Variants in FER1L6 observed in about 807,000 individuals in gnomAD.
FER1L6 encodes fer-1 like family member 6.
In FER1L6, 177 loss-of-function variants were observed where a neutral mutation model predicts 219.2. The observed-to-expected ratio is 0.81, with a 90% CI of 0.71 to 0.91. FER1L6 has a LOEUF of 0.91. FER1L6 is among the 40% of genes least tolerant of loss of function. The pLI, the probability that FER1L6 is intolerant of heterozygous loss-of-function variation, is 0.00. For synonymous variants in FER1L6, 768 were observed against 824.3 expected, an observed-to-expected ratio of 0.93 and a Z score of 1.17; for missense variants, 2,153 against 2,259.9, an observed-to-expected ratio of 0.95 and a Z score of 0.96.
At chr8:124,022,841 A>T (rs1173674004) in intron 17 of FER1L6, among the ~76,000 whole-genome samples, 1 of 152,158 alleles carries the variant, frequency 6.6e-6, no homozygotes, top group Non-Finnish European at 1.5e-5. Context: ...GCTACCAAAG[A>T]TGCCAAATCA....
intron 25 of FER1L6, 133 bp from the exon 26 acceptor site, chr8:124,064,214 G>T: frequency 2.6e-6 from 2 of 778,466 alleles, no homozygotes; most frequent in African/African-American, 1.7e-5. Flanking sequence ...TTATACATAA[G>T]AAAATGAGGT....
chr8:124,075,173 T>G (rs541850235), intron 31 of FER1L6, among the ~76,000 whole-genome samples: 1 of 152,366 alleles, frequency 6.6e-6, no homozygotes, highest in South Asian at 2.1e-4. Context: ...TTTATAAACT[T>G]TTAAGTTTTT....
chr8:124,037,537 G>T (rs1586622139), intron 19 of FER1L6, among the ~76,000 whole-genome samples: 1 of 152,162 alleles, frequency 6.6e-6, no homozygotes, highest in Admixed American at 6.5e-5. Context: ...TCACTTCTCT[G>T]GTTCTCCCTG....
intron 1 of FER1L6, among the ~76,000 whole-genome samples, chr8:123,954,139 T>G (rs898058668): frequency 2.0e-5 from 3 of 152,224 alleles, no homozygotes; most frequent in Non-Finnish European, 4.4e-5. Context: ...AGGAGGAAAC[T>G]GAGGATCAGG....
chr8:124,079,526 A>G (rs566303265), intron 32 of FER1L6, among the ~76,000 whole-genome samples: 1 of 152,322 alleles, frequency 6.6e-6, no homozygotes, highest in South Asian at 2.1e-4. Context: ...GACTATAGTC[A>G]AGTAGACACA....
In FER1L6 at chr8:123,969,823, T is replaced by C. The variant is rs139585897; in HGVS notation, c.385-212T>C. ...TTGAGGCTGCAGTGAGCCCTAATTG[T>C]GCCACTGCACTCCAACCTAGCCGAC... On this transcript the variant is annotated intron_variant, in intron 5 of 40. Coordinates refer to ENST00000522917, the MANE Select transcript of FER1L6 (RefSeq NM_001039112.2). 3.7e-3 allele frequency among the ~76,000 whole-genome samples: 545 copies of C among 145,994 alleles called. 4 individuals carry two copies. The highest frequency in any genetic ancestry group is 0.013 in the African/African-American group (520 of 38,964).
At chr8:123,897,966 C>T (rs1478998056) in intron 1 of FER1L6, among the ~76,000 whole-genome samples, 1 of 152,048 alleles carries the variant, frequency 6.6e-6, no homozygotes, top group African/African-American at 2.4e-5. Flanking sequence ...GGGCTGATTC[C>T]GTTCCAATTT....
At chr8:123,873,709 T>C (rs1816961391) in intron 1 of FER1L6, among the ~76,000 whole-genome samples, 1 of 152,118 alleles carries the variant, frequency 6.6e-6, no homozygotes, top group Non-Finnish European at 1.5e-5. Flanking sequence ...TCTCCAGCAA[T>C]GCCTGGTGGC....
Position 124,091,518 on chromosome 8 carries a change from C to A in FER1L6, c.4487C>A (p.Pro1496His), listed in dbSNP as rs1251010959. ...DNKLDGPYFHPGKIQIGNQVF... is the reference protein window; with the variant it reads ...DNKLDGPYFHHGKIQIGNQVF... ...AAGCTGGATGGACCCTACTTTCACC[C>A]TGGGAAAATACAGATAGGAAACCAA... The change falls in exon 34 of 41, where the codon CCT becomes CAT. Residue 1496 changes from proline to histidine, a missense_variant. Transcript: ENST00000522917. The A allele has an allele frequency of 6.2e-7, 1 of 1,614,042 alleles. No homozygotes were observed. The highest frequency in any genetic ancestry group is 8.5e-7 in the Non-Finnish European group (1 of 1,179,906).
In FER1L6 at chr8:124,064,549, G is replaced by A. The variant is rs1346507645; in HGVS notation, c.3531G>A (p.Glu1177=). 1.9e-6 allele frequency: 3 copies of A among 1,609,646 alleles called. No homozygotes were observed. Among genetic ancestry groups the A allele is most frequent in the African/African-American group, 1.3e-5 (1 of 74,566 alleles). The change falls in exon 26 of 41, where the codon GAG becomes GAA. Residue 1177 remains glutamate (E), a synonymous_variant. Transcript: ENST00000522917. ...CTGAACACACACCTGTAGCCCAGGA[G>A]CCACCAAAAGATGGAAAACCTAAGG... ...LEPEHTPVAQ[E]PPKDGKPKDP... is the part of the protein sequence containing the mutation.
chr8:123,875,951 TCTC>T (rs536359329), intron 1 of FER1L6, among the ~76,000 whole-genome samples: 26 of 152,294 alleles, frequency 1.7e-4, no homozygotes, highest in Admixed American at 1.5e-3. Flanking sequence ...TTTCATACCT[TCTC>T]CTCTATAGTA....
At chr8:124,066,585 T>G (rs1820839990) in intron 27 of FER1L6, 35 bp downstream of exon 27, 2 of 1,607,310 alleles carry the variant, frequency 1.2e-6, no homozygotes, top group African/African-American at 2.7e-5. Context: ...GTTAAGAGAT[T>G]CAATAAGGAA....
At chr8:123,931,508 C>A (rs4299983) in intron 1 of FER1L6, among the ~76,000 whole-genome samples, 59,451 of 152,112 alleles carry the variant, frequency 0.39, 12,258 homozygotes, top group South Asian at 0.52. Context: ...TAGTAAGTAC[C>A]GCAGGATATG....
rs755375349 is a variant in FER1L6 at position 124,082,340 on chromosome 8, A to T, written c.4273A>T (p.Ile1425Phe). ...AAAAGAGTCCCTGCTCTCCATCCTG[A>T]TCTATGACCATGACATGATTGGCAC... is the stretch of plus-strand genomic sequence containing the variant. Reference protein sequence around the residue: ...FPKESLLSILIYDHDMIGTDD... With the variant: ...FPKESLLSILFYDHDMIGTDD... The change falls in exon 33 of 41, where the codon ATC (isoleucine) becomes TTC (phenylalanine). Residue 1425 changes from isoleucine (I) to phenylalanine (F), a missense_variant. By Grantham distance (21) the Ile-to-Phe change is conservative (BLOSUM62 0). Transcript: ENST00000522917. The T allele has an allele frequency of 6.2e-7, 1 of 1,613,946 alleles. No individual in the cohort carries two copies. Among genetic ancestry groups the T allele is most frequent in the South Asian group, 1.1e-5 (1 of 91,038 alleles).
chr8:124,084,199 T>G (rs1232209626), intron 33 of FER1L6, among the ~76,000 whole-genome samples: 2 of 151,986 alleles, frequency 1.3e-5, no homozygotes, highest in African/African-American at 2.4e-5. Context: ...TAAGATCATA[T>G]TATCTACCCA....
At chr8:123,926,044 G>A (rs555247485) in intron 1 of FER1L6, 58 of 152,338 alleles carry the variant, frequency 3.8e-4, no homozygotes, top group African/African-American at 1.3e-3. Context: ...AGTTCTCACT[G>A]ACTTCTTATA....
chr8:123,911,620 C>T (rs1399625707), intron 1 of FER1L6, among the ~76,000 whole-genome samples: 2 of 152,080 alleles, frequency 1.3e-5, no homozygotes, highest in Admixed American at 1.3e-4. Context: ...TGAGCTCATC[C>T]TAGGATGCTG....
intron 18 of FER1L6, among the ~76,000 whole-genome samples, chr8:124,030,672 C>T (rs1324549550): frequency 6.6e-6 from 1 of 152,152 alleles, no homozygotes; most frequent in Non-Finnish European, 1.5e-5. Context: ...GGGAGTCCAT[C>T]TCCTGTTCTC....
Position 123,997,188 on chromosome 8 carries a change from T to C in FER1L6, c.1520-5979T>C, listed in dbSNP as rs1173829984. On this transcript the variant is annotated intron_variant, in intron 12 of 40. Transcript: ENST00000522917. ...ACTTCCTTTAGCATGTCTTTTAGGA[T>C]AGGTCTAGTGTCAATGAAATCTCTC... Among the ~76,000 whole-genome samples the C allele has an allele frequency of 2.0e-5, 3 of 152,192 alleles. No individual in the cohort carries two copies. The East Asian group carries it at 5.8e-4, about 29-fold the overall frequency.
Sources: allele counts gnomAD v4.1 joint callset (sites outside exome capture counted in the v4.1 genomes callset), GRCh38; gene constraint gnomAD v4.1.1; transcripts MANE v1.5; gene names NCBI Gene and HGNC (gene_info 2026-07-23, HGNC 2026-07-21).